CLNK: variants seen among roughly 807,000 people sequenced by gnomAD.
CLNK encodes cytokine-dependent hematopoietic cell linker.
Under a neutral mutation model 68.6 loss-of-function variants are expected in CLNK, and 74 were observed. The ratio of observed to expected loss-of-function variants is 1.08; its 90% CI spans 0.89 to 1.31. The LOEUF (loss-of-function observed/expected upper bound fraction) is 1.31. CLNK is among the 50% of genes most tolerant of loss of function. The pLI is 0.00. For synonymous variants in CLNK, 198 were observed against 172.2 expected, an observed-to-expected ratio of 1.15 and a Z score of -1.17; for missense variants, 553 against 515.3, an observed-to-expected ratio of 1.07 and a Z score of -0.71.
At chr4:10,494,324 A>G (rs1716714626) in intron 18 of CLNK, among the ~76,000 whole-genome samples, 1 of 152,198 alleles carries the variant, frequency 6.6e-6, no homozygotes, top group Admixed American at 6.5e-5. Context: ...TTCCTGTTTT[A>G]AGATTGTCCC....
At chr4:10,733,945 T>C in the CLNK span, among the ~76,000 whole-genome samples, 1 of 152,194 alleles carries the variant, frequency 6.6e-6, no homozygotes, top group Non-Finnish European at 1.5e-5. Flanking sequence ...TAAGAGTGCA[T>C]TTTTAAAGTT....
intron 5 of CLNK, among the ~76,000 whole-genome samples, chr4:10,570,094 C>G (rs1577136491): frequency 6.6e-6 from 1 of 152,158 alleles, no homozygotes; most frequent in Admixed American, 6.5e-5. Context: ...AGCTGGAGCT[C>G]GGGCAGGAGA....
intron 3 of CLNK, among the ~76,000 whole-genome samples, chr4:10,597,187 G>C (rs74368298): frequency 6.6e-6 from 1 of 152,210 alleles, no homozygotes; most frequent in Non-Finnish European, 1.5e-5. Flanking sequence ...GGATGGACTT[G>C]AATTGGGATT....
chr4:10,654,125 C>G (rs1386003106), intron 2 of CLNK, among the ~76,000 whole-genome samples: 1 of 151,910 alleles, frequency 6.6e-6, no homozygotes, highest in Non-Finnish European at 1.5e-5. Flanking sequence ...GTGATGCTAA[C>G]CAGCAAGGAG....
intron 7 of CLNK, 139 bp from the exon 8 acceptor site, chr4:10,558,591 C>T: frequency 1.3e-6 from 1 of 749,322 alleles, no homozygotes; most frequent in Admixed American, 2.2e-5. Context: ...GTATGGTTGG[C>T]TGTCAACAAA....
chr4:10,623,125 TA>T (rs1203620871), intron 2 of CLNK, among the ~76,000 whole-genome samples: 4 of 152,168 alleles, frequency 2.6e-5, no homozygotes, highest in Non-Finnish European at 5.9e-5. Context: ...AAATATTAAT[TA>T]AAAAATCTGC....
At chr4:10,719,420 C>T in the CLNK span, among the ~76,000 whole-genome samples, 1 of 151,714 alleles carries the variant, frequency 6.6e-6, no homozygotes, top group East Asian at 1.9e-4. Context: ...ACTGTATTAA[C>T]ATTAGATAAA....
At chr4:10,633,061 C>T (rs1421389121) in intron 2 of CLNK, among the ~76,000 whole-genome samples, 3 of 152,192 alleles carry the variant, frequency 2.0e-5, no homozygotes, top group African/African-American at 7.2e-5. Context: ...TCTCAGCCTC[C>T]TGAGTATCTG....
intron 2 of CLNK, among the ~76,000 whole-genome samples, chr4:10,649,922 C>A (rs1470248405): frequency 1.3e-5 from 2 of 151,826 alleles, no homozygotes; most frequent in East Asian, 3.9e-4. Flanking sequence ...AAAGTGAGAA[C>A]TAGAAGAAAT....
chr4:10,525,504 C>A (rs1011870424), intron 14 of CLNK, among the ~76,000 whole-genome samples: 7 of 152,186 alleles, frequency 4.6e-5, no homozygotes, highest in South Asian at 2.1e-4. Context: ...GTAACTAAAG[C>A]TTTGGTGTGG....
intron 8 of CLNK, among the ~76,000 whole-genome samples, chr4:10,545,620 G>T (rs886098883): frequency 6.6e-6 from 1 of 152,064 alleles, no homozygotes; most frequent in Non-Finnish European, 1.5e-5. Context: ...TGCTCCTATG[G>T]CTCCATTAGG....
At chr4:10,588,843 T>C (rs1220481160) in intron 3 of CLNK, among the ~76,000 whole-genome samples, 1 of 151,950 alleles carries the variant, frequency 6.6e-6, no homozygotes, top group Non-Finnish European at 1.5e-5. Flanking sequence ...ATATGGTATA[T>C]ACTATATTGT....
chr4:10,692,207 T>C, the CLNK span: 1 of 152,196 alleles, frequency 6.6e-6, no homozygotes, highest in Non-Finnish European at 1.5e-5. Context: ...TAGTCTACAA[T>C]GTACAAACTC....
chr4:10,543,301 GGGCGT>G (rs1330557520), intron 8 of CLNK, among the ~76,000 whole-genome samples: 1 of 152,132 alleles, frequency 6.6e-6, no homozygotes, highest in African/African-American at 2.4e-5. Context: ...CTCTAAAAAT[GGGCGT>G]GGTGTAATAA....
At chr4:10,732,588 C>T in the CLNK span, among the ~76,000 whole-genome samples, 26 of 152,188 alleles carry the variant, frequency 1.7e-4, 1 homozygote, top group African/African-American at 6.0e-4. Context: ...CTTTTACATT[C>T]CATCTAACTC....
the CLNK span, among the ~76,000 whole-genome samples, chr4:10,715,795 C>A: frequency 6.6e-6 from 1 of 152,164 alleles, no homozygotes; most frequent in African/African-American, 2.4e-5. Context: ...GTCCTCAGCG[C>A]ACTACTTCAT....
At chr4:10,637,041 G>A (rs1043553798) in intron 2 of CLNK, among the ~76,000 whole-genome samples, 1 of 152,186 alleles carries the variant, frequency 6.6e-6, no homozygotes, top group Admixed American at 6.5e-5. Context: ...AGGGCCTCCC[G>A]AGTGCCCATT....
At chr4:10,567,983 G>A (rs1288802061) in intron 5 of CLNK, among the ~76,000 whole-genome samples, 1 of 152,216 alleles carries the variant, frequency 6.6e-6, no homozygotes, top group African/African-American at 2.4e-5. Flanking sequence ...GAATGTAACA[G>A]GGTACAGCTG....
chr4:10,731,897 G>T, the CLNK span, among the ~76,000 whole-genome samples: 3 of 152,194 alleles, frequency 2.0e-5, no homozygotes, highest in Admixed American at 6.5e-5. Flanking sequence ...GCAGTGGTTT[G>T]TTCCTAAAGG....
Sources: gnomAD v4.1 joint callset for allele counts (sites outside exome capture counted in the v4.1 genomes callset) on GRCh38, gnomAD v4.1.1 for gene constraint, MANE v1.5 for transcripts, NCBI Gene and HGNC (gene_info 2026-07-23, HGNC 2026-07-21) for gene names.